Variants in ERCC6L2 observed in about 807,000 individuals in gnomAD.
ERCC6L2 encodes the protein ERCC excision repair 6 like 2, also known as DNA excision repair protein ERCC-6-like 2.
A neutral mutation model predicts 132.0 loss-of-function variants in ERCC6L2; 77 were observed. The ratio of observed to expected loss-of-function variants is 0.58; its 90% CI spans 0.49 to 0.71. ERCC6L2 has a LOEUF of 0.71. ERCC6L2 is among the 30% of genes least tolerant of loss of function. ERCC6L2 has a pLI of 0.00. For missense variants in ERCC6L2, 1,542 were observed against 1,837.6 expected, an observed-to-expected ratio of 0.84 and a Z score of 2.94; for synonymous variants, 583 against 632.4, an observed-to-expected ratio of 0.92 and a Z score of 1.17.
chr9:95,971,830 T>TA (rs1832426538), intron 15 of ERCC6L2, 103 bp from the exon 16 acceptor site: 1 of 519,404 alleles, frequency 1.9e-6, no homozygotes, highest in Non-Finnish European at 3.0e-6. Context: ...TATTAAGTGA[T>TA]ATACTTGTAC....
In ERCC6L2 at chr9:95,875,902, G is replaced by T; in HGVS notation, c.-137G>T. The T allele has an allele frequency of 1.1e-6, 1 of 892,466 alleles. No individual in the cohort carries two copies. The highest frequency in any genetic ancestry group is 1.7e-6 in the Non-Finnish European group (1 of 576,264). 55.3% of individuals were successfully genotyped at this position (892,466 alleles called of 1,614,324 possible). ...CCCCCTCCTCCATCCTGTGGCTTCG[G>T]GTTGCCGAAGAGCGATGCTCGGAGG... On this transcript the variant is annotated 5_prime_UTR_variant, in exon 1 of 19. Transcript: ENST00000653738.
chr9:95,999,080 G>T (rs905098739), intron 17 of ERCC6L2, among the ~76,000 whole-genome samples: 29 of 152,172 alleles, frequency 1.9e-4, no homozygotes, highest in Non-Finnish European at 2.9e-5. Context: ...GATTTTCCTG[G>T]CCGGGCGTGG....
chr9:95,948,867 A>G (rs1023468727), intron 12 of ERCC6L2, among the ~76,000 whole-genome samples: 13 of 152,076 alleles, frequency 8.5e-5, no homozygotes, highest in African/African-American at 2.9e-4. Context: ...ATAAATCTCT[A>G]GAAACTAACT....
intron 2 of ERCC6L2, among the ~76,000 whole-genome samples, chr9:95,889,304 C>A (rs1375959572): frequency 6.6e-6 from 1 of 152,044 alleles, no homozygotes; most frequent in Non-Finnish European, 1.5e-5. Context: ...TATAATTTTC[C>A]TATAATGAAA....
At chr9:96,025,221 A>G (rs1588065705) in intron 19 of ERCC6L2, among the ~76,000 whole-genome samples, 1 of 152,164 alleles carries the variant, frequency 6.6e-6, no homozygotes, top group Non-Finnish European at 1.5e-5. Context: ...AAGGGACACC[A>G]CCCACACCCT....
In ERCC6L2 at chr9:96,016,956, A is replaced by T. The variant is rs571137376; in HGVS notation, c.*3753A>T. 1.3e-5 allele frequency among the ~76,000 whole-genome samples: 2 copies of T among 152,312 alleles called. No individual in the cohort carries two copies. Among genetic ancestry groups the T allele is most frequent in the African/African-American group, 4.8e-5 (2 of 41,560 alleles). ...TGCATGTGAAGGATTTTTATGTCAC[A>T]AATCCAGCTAACAGTGGATCTAGGA... On this transcript the variant is annotated 3_prime_UTR_variant, in exon 19 of 19. Coordinates refer to ENST00000653738, the MANE Select transcript of ERCC6L2 (RefSeq NM_020207.7).
At chr9:95,923,215 A>T (rs1234774880) in intron 8 of ERCC6L2, 45 bp from the exon 9 acceptor site, 37 of 1,598,036 alleles carry the variant, frequency 2.3e-5, no homozygotes, top group Non-Finnish European at 3.2e-5. Context: ...ACAGGTTTGA[A>T]TGTGTTAAGT....
At chr9:95,931,542 A>C (rs1830339843) in intron 11 of ERCC6L2, among the ~76,000 whole-genome samples, 1 of 152,192 alleles carries the variant, frequency 6.6e-6, no homozygotes, top group Non-Finnish European at 1.5e-5. Context: ...CTGCATCTGT[A>C]AATACAGAAA....
At chr9:95,929,086 G>GGT (rs1009461711) in intron 11 of ERCC6L2, 2 of 326,840 alleles carry the variant, frequency 6.1e-6, no homozygotes, top group Non-Finnish European at 1.1e-5. Context: ...GGTTTATAAA[G>GGT]GTAACAATAA....
Position 95,875,698 on chromosome 9 carries a change from A to G in ERCC6L2, c.-341A>G. On this transcript the variant is annotated 5_prime_UTR_variant, in exon 1 of 19. Transcript: ENST00000653738. ...GGTTAGGAGACGGAAGTCAGAGCCT[A>G]GGAAGATTTGGGGGTCGCCTTGCCG... 2.6e-6 allele frequency: 1 copy of G among 389,448 alleles called. No homozygotes were observed. The highest frequency in any genetic ancestry group is 4.3e-5 in the East Asian group (1 of 23,308). The allele number at this position is 389,448 out of a possible 1,614,324, so 24.1% of individuals were successfully genotyped here.
chr9:95,956,242 C>G (rs746784531), intron 13 of ERCC6L2, among the ~76,000 whole-genome samples: 1 of 152,124 alleles, frequency 6.6e-6, no homozygotes, highest in Admixed American at 6.6e-5. Context: ...AGTGTACATG[C>G]GAATTACCAA....
intron 3 of ERCC6L2, chr9:95,906,454 A>G: frequency 3.1e-6 from 1 of 322,476 alleles, no homozygotes; most frequent in South Asian, 2.5e-5. Context: ...TTTTTTGGAG[A>G]AGAACATGAG....
chr9:95,896,488 C>CA (rs1396439145), intron 2 of ERCC6L2, among the ~76,000 whole-genome samples: 3 of 149,396 alleles, frequency 2.0e-5, no homozygotes, highest in Non-Finnish European at 4.4e-5. Flanking sequence ...GTGGTGCAGT[C>CA]ACGGCCCACT....
At chr9:96,005,079 C>T (rs948875816) in intron 18 of ERCC6L2, among the ~76,000 whole-genome samples, 35 of 152,176 alleles carry the variant, frequency 2.3e-4, no homozygotes, top group African/African-American at 8.2e-4. Context: ...TTTGGGAGGC[C>T]GAGGCGGGTG....
Position 95,907,099 on chromosome 9 carries a change from C to T in ERCC6L2, c.616C>T (p.Leu206Phe). ...TTAGATGTTCTTAATAGTTGCTCCTCTTTCTGTCCTCTACAACTGGAAGGA... is the reference window on the plus strand; with the variant it reads ...TTAGATGTTCTTAATAGTTGCTCCTTTTTCTGTCCTCTACAACTGGAAGGA... ...AKKMFLIVAP[L>F]SVLYNWKDEL... Residue 206 changes from leucine (L) to phenylalanine (F), a missense_variant, in exon 4 of 19, where the codon CTT becomes TTT. Leu to Phe is a conservative substitution (Grantham distance 22). Around this residue, in one of 4 missense-constraint regions of ERCC6L2, gnomAD observed 945 missense variants for 1,105.2 expected, o/e 0.86. Coordinates refer to ENST00000653738, the MANE Select transcript of ERCC6L2 (RefSeq NM_020207.7). 3.1e-6 allele frequency: 5 copies of T among 1,608,804 alleles called. No homozygotes were observed. The highest frequency in any genetic ancestry group is 3.4e-6 in the Non-Finnish European group (4 of 1,178,686).
chr9:95,971,712 T>C lies in ERCC6L2; in HGVS notation c.2182-221T>C, dbSNP rs968014082. 6.6e-5 allele frequency: 14 copies of C among 212,718 alleles called. No individual in the cohort carries two copies. The South Asian group carries it at 7.1e-4, about 11-fold the overall frequency. 13.2% of individuals were successfully genotyped at this position (212,718 alleles called of 1,614,324 possible). A position where few individuals can be genotyped will look rare whatever the true frequency, so the allele number is the denominator to read the frequency against. On this transcript the variant is annotated intron_variant, in intron 15 of 18. Coordinates refer to ENST00000653738, the MANE Select transcript of ERCC6L2 (RefSeq NM_020207.7). ...ACTTTGATTATATGGTACTCTAGTT[T>C]AAATTTTTTTATTTTGCAACAATAT...
intron 12 of ERCC6L2, among the ~76,000 whole-genome samples, chr9:95,954,463 A>G (rs1343512678): frequency 6.6e-6 from 1 of 152,204 alleles, no homozygotes; most frequent in East Asian, 1.9e-4. Context: ...CGGAACTGAG[A>G]ACAGAAATAA....
intron 2 of ERCC6L2, among the ~76,000 whole-genome samples, chr9:95,888,525 A>G (rs1402793972): frequency 6.6e-6 from 1 of 152,176 alleles, no homozygotes; most frequent in Non-Finnish European, 1.5e-5. Flanking sequence ...TTTTCTTTGC[A>G]GATAAGTTTT....
At chr9:96,029,863 T>C (rs769163590) in intron 19 of ERCC6L2, among the ~76,000 whole-genome samples, 1 of 152,202 alleles carries the variant, frequency 6.6e-6, no homozygotes, top group Non-Finnish European at 1.5e-5. Flanking sequence ...CCTCCCAGGG[T>C]TAGCTGAGTC....
Sources: gnomAD v4.1 joint callset for allele counts (sites outside exome capture counted in the v4.1 genomes callset) on GRCh38, gnomAD v4.1.1 for gene constraint, gnomAD v4.1.1 regional missense constraint, MANE v1.5 for transcripts, NCBI Gene and HGNC (gene_info 2026-07-23, HGNC 2026-07-21) for gene names.